MEI4: variants seen among roughly 807,000 people sequenced by gnomAD.
The protein encoded by MEI4 is meiotic double-stranded break formation protein 4.
In MEI4, 27 loss-of-function variants were observed where a neutral mutation model predicts 31.4. The observed-to-expected ratio is 0.86, with a 90% confidence interval of 0.63 to 1.19. The LOEUF is 1.19. MEI4 is among the 50% of genes most tolerant of loss of function. MEI4 has a pLI of 0.00. For missense variants in MEI4, 329 were observed against 398.9 expected (o/e 0.82, Z 1.49); for synonymous variants, 122 against 145.4 (o/e 0.84, Z 1.16).
At chr6:77,867,321 C>T (rs924959329) in intron 4 of MEI4, among the ~76,000 whole-genome samples, 113 of 152,288 alleles carry the variant, frequency 7.4e-4, no homozygotes, top group African/African-American at 2.7e-3. Context: ...TTGCAATCTA[C>T]TCATCTGACA....
chr6:77,777,578 A>G (rs1291479751), intron 3 of MEI4, among the ~76,000 whole-genome samples: 1 of 152,180 alleles, frequency 6.6e-6, no homozygotes, highest in Non-Finnish European at 1.5e-5. Flanking sequence ...TCCCTAAAGG[A>G]AAAAAGAGCA....
rs1766855105 is a variant in MEI4 at position 77,926,817 on chromosome 6, C to T, written c.*3471C>T. 1 of 152,018 alleles carries T rather than the reference C, an allele frequency of 6.6e-6. No homozygotes were observed. The allele number at this position is 152,018 out of a possible 1,614,324, so 9.4% of individuals were successfully genotyped here. ...AGCAGTCAATATAATGACCCAACTA[C>T]ATCAATATTTGCTGAAGGAGATAAT... is the stretch of plus-strand genomic sequence containing the variant. On this transcript the variant is annotated 3_prime_UTR_variant, in exon 5 of 5. Transcript: ENST00000684080.
chr6:77,794,021 A>C (rs2127697269), intron 3 of MEI4, among the ~76,000 whole-genome samples: 1 of 152,298 alleles, frequency 6.6e-6, no homozygotes, highest in South Asian at 2.1e-4. Flanking sequence ...AAAACAAAAA[A>C]TAAGAAGATT....
rs1451329787 is a variant in MEI4 at position 77,685,194 on chromosome 6, G to T, written c.-14-5464G>T. Reference sequence around the variant, plus strand: ...CAAATCTTTTGCCCATGTTTTCATTGGGTTATTATATTTTTTCCTATAGGG... The same window carrying T: ...CAAATCTTTTGCCCATGTTTTCATTTGGTTATTATATTTTTTCCTATAGGG... On this transcript the variant is annotated intron_variant, in intron 1 of 4. Coordinates refer to ENST00000684080, the MANE Select transcript of MEI4 (RefSeq NM_001322247.2). 4.6e-5 allele frequency among the ~76,000 whole-genome samples: 7 copies of T among 151,928 alleles called. No homozygotes were observed. In the South Asian group the frequency reaches 1.2e-3, roughly 27 times the overall value.
chr6:77,880,246 T>G (rs975902891), intron 4 of MEI4, among the ~76,000 whole-genome samples: 1 of 151,648 alleles, frequency 6.6e-6, no homozygotes. Flanking sequence ...TTTTTTTTTT[T>G]TTGAGACAGA....
chr6:77,791,818 A>C (rs1279004648), intron 3 of MEI4, among the ~76,000 whole-genome samples: 1 of 152,154 alleles, frequency 6.6e-6, no homozygotes, highest in African/African-American at 2.4e-5. Context: ...TCAAGAATTC[A>C]TTATTATTAA....
intron 4 of MEI4, among the ~76,000 whole-genome samples, chr6:77,841,318 T>TATATATATATATAC (rs201446291): frequency 0.021 from 1,049 of 49,868 alleles, 47 homozygotes; most frequent in East Asian, 0.044. Flanking sequence ...TGTGTGCATA[T>TATATATATATATAC]ATATATATAT....
chr6:77,855,232 A>C (rs911032928), intron 4 of MEI4, among the ~76,000 whole-genome samples: 2 of 151,982 alleles, frequency 1.3e-5, no homozygotes, highest in Non-Finnish European at 2.9e-5. Context: ...GTAATCCCAG[A>C]TATTCAGGAG....
intron 3 of MEI4, among the ~76,000 whole-genome samples, chr6:77,824,968 T>A (rs1769907974): frequency 6.6e-6 from 1 of 152,170 alleles, no homozygotes; most frequent in South Asian, 2.1e-4. Flanking sequence ...TCTCTATCAC[T>A]TGTTCACTTG....
intron 3 of MEI4, among the ~76,000 whole-genome samples, chr6:77,781,983 C>CT (rs201000637): frequency 1.3e-4 from 20 of 151,322 alleles, no homozygotes; most frequent in Admixed American, 5.3e-4. Flanking sequence ...GGATTGTGTG[C>CT]TTTTTTTTTA....
intron 2 of MEI4, among the ~76,000 whole-genome samples, chr6:77,744,402 CAA>C (rs1767519497): frequency 6.6e-6 from 1 of 151,622 alleles, no homozygotes. Context: ...AATGAAGCGA[CAA>C]GAGAAGTTTA....
At chr6:77,905,526 T>C (rs1766276610) in intron 4 of MEI4, among the ~76,000 whole-genome samples, 1 of 128,554 alleles carries the variant, frequency 7.8e-6, no homozygotes, top group Non-Finnish European at 1.6e-5. Context: ...TGGCAGAGTC[T>C]CACTCTGTCT....
At chr6:77,817,292 A>G (rs1262829906) in intron 3 of MEI4, among the ~76,000 whole-genome samples, 1 of 152,146 alleles carries the variant, frequency 6.6e-6, no homozygotes, top group African/African-American at 2.4e-5. Flanking sequence ...ACAAGCATGC[A>G]TGGTACTGTG....
At chr6:77,852,610 TAG>T (rs139578262) in intron 4 of MEI4, among the ~76,000 whole-genome samples, 2,688 of 151,204 alleles carry the variant, frequency 0.018, 60 homozygotes, top group East Asian at 0.083. Context: ...CTCACAGTTT[TAG>T]AGACAGGAAA....
chr6:77,884,532 A>G (rs796106577), intron 4 of MEI4, among the ~76,000 whole-genome samples: 13 of 152,322 alleles, frequency 8.5e-5, no homozygotes, highest in African/African-American at 2.6e-4. Context: ...ATTTTTATAT[A>G]TCATGAGAGA....
chr6:77,800,552 G>A (rs962122922), intron 3 of MEI4, among the ~76,000 whole-genome samples: 2 of 152,192 alleles, frequency 1.3e-5, no homozygotes, highest in East Asian at 1.9e-4. Flanking sequence ...GTGAGAGAGG[G>A]CATCCCTGTC....
At chr6:77,688,545 A>C (rs1769100347) in intron 1 of MEI4, among the ~76,000 whole-genome samples, 1 of 152,154 alleles carries the variant, frequency 6.6e-6, no homozygotes, top group Non-Finnish European at 1.5e-5. Flanking sequence ...AAATCAGAAC[A>C]TTTAGTTAAT....
chr6:77,736,961 T>C (rs1767258862), intron 2 of MEI4, among the ~76,000 whole-genome samples: 1 of 150,934 alleles, frequency 6.6e-6, no homozygotes, highest in South Asian at 2.1e-4. Context: ...CAATGTAAAG[T>C]ATAGGTAGAG....
Position 77,868,499 on chromosome 6 carries a change from C to CTA in MEI4, c.900+39438_900+39439dup, listed in dbSNP as rs71558933. Among the ~76,000 whole-genome samples the CTA allele has an allele frequency of 2.1e-3, 127 of 61,714 alleles. 15 individuals carry two copies. The highest frequency in any genetic ancestry group is 0.012 in the Middle Eastern group (1 of 86). 40.5% of individuals were successfully genotyped at this position (61,714 alleles called of 152,430 possible). ...GGAAAAAACTTCCATGTAAAAAATA[C>CTA]TACATATATATATATATATATATAT... On this transcript the variant is annotated intron_variant, in intron 4 of 4. Coordinates refer to ENST00000684080, the MANE Select transcript of MEI4 (RefSeq NM_001322247.2).
Sources: allele counts gnomAD v4.1 joint callset (sites outside exome capture counted in the v4.1 genomes callset), GRCh38; gene constraint gnomAD v4.1.1; transcripts MANE v1.5; gene names NCBI Gene and HGNC (gene_info 2026-07-23, HGNC 2026-07-21).